DMD: variants seen among roughly 807,000 people sequenced by gnomAD.
DMD encodes the protein dystrophin, also known as mutant dystrophin.
In DMD, 63 loss-of-function variants were observed where a neutral mutation model predicts 330.1. The observed-to-expected ratio is 0.19, with a 90% CI of 0.16 to 0.24. DMD has a LOEUF of 0.24. Ranked by LOEUF, DMD falls within the 10% of genes least tolerant of loss-of-function variation. The probability of loss-of-function intolerance (pLI) is 1.00; values close to 1 mark genes in which losing one functional copy is unlikely to be tolerated. For missense variants in DMD, 3,344 were observed against 2,684.1 expected (o/e 1.25, Z -5.43); for synonymous variants, 1,223 against 959.8 (o/e 1.27, Z -5.07).
chrX:32,554,925 GAA>G (rs1177991264), intron 16 of DMD, among the ~76,000 whole-genome samples: 2 of 18,738 alleles, frequency 1.1e-4, no homozygotes, highest in East Asian at 5.3e-3. Context: ...AAGAAAGAAA[GAA>G]AGAAAGAAAG....
intron 7 of DMD, among the ~76,000 whole-genome samples, chrX:32,729,401 G>GCA (rs2067264236): frequency 8.9e-6 from 1 of 111,803 alleles, no homozygotes; most frequent in Non-Finnish European, 1.9e-5. Context: ...CATTAATGTA[G>GCA]CACTTCAGCT....
At chrX:33,163,648 C>G (rs200460381) in intron 1 of DMD, among the ~76,000 whole-genome samples, 1 of 12,466 alleles carries the variant, frequency 8.0e-5, no homozygotes, top group African/African-American at 2.1e-4. Flanking sequence ...ATCTATCTAT[C>G]TATCTATCTA....
At chrX:31,889,094 T>C (rs1276725745) in intron 47 of DMD, among the ~76,000 whole-genome samples, 1 of 111,902 alleles carries the variant, frequency 8.9e-6, no homozygotes, top group Non-Finnish European at 1.9e-5. Context: ...CTCAAACATA[T>C]AATACATTAC....
intron 7 of DMD, among the ~76,000 whole-genome samples, chrX:32,807,148 AAC>A (rs1360768140): frequency 7.7e-5 from 8 of 104,180 alleles, no homozygotes; most frequent in African/African-American, 2.9e-4. Flanking sequence ...AAAAAAAAAA[AAC>A]ATCAACAAAT....
chrX:32,378,275 T>C, intron 34 of DMD, among the ~76,000 whole-genome samples: 1 of 110,335 alleles, frequency 9.1e-6, no homozygotes, highest in Non-Finnish European at 1.9e-5. Context: ...ATTGTGGATA[T>C]ATTTCTATGC....
chrX:32,329,385 G>A (rs2148710435), intron 41 of DMD, among the ~76,000 whole-genome samples: 1 of 111,781 alleles, frequency 8.9e-6, no homozygotes, highest in South Asian at 3.8e-4. Context: ...TCCAGAAATA[G>A]AGGCCCAAGT....
At chrX:32,748,522 T>C (rs1238296952) in intron 7 of DMD, among the ~76,000 whole-genome samples, 1 of 111,354 alleles carries the variant, frequency 9.0e-6, no homozygotes, top group Non-Finnish European at 1.9e-5. Context: ...TTTTAATAAT[T>C]ACATCTACAG....
chrX:32,896,265 G>T (rs2085709520), intron 2 of DMD, among the ~76,000 whole-genome samples: 1 of 111,384 alleles, frequency 9.0e-6, no homozygotes, highest in Non-Finnish European at 1.9e-5. Context: ...CACCCCTAGG[G>T]TATAATAGGA....
intron 7 of DMD, among the ~76,000 whole-genome samples, chrX:32,762,171 A>AAAAAAAATC (rs2072401494): frequency 9.6e-6 from 1 of 104,139 alleles, no homozygotes; most frequent in South Asian, 4.4e-4. Context: ...AAAAAAAGAA[A>AAAAAAAATC]AAAAAAATCA....
chrX:33,283,943 G>A (rs1041634029), intron 1 of DMD, among the ~76,000 whole-genome samples: 15 of 109,366 alleles, frequency 1.4e-4, no homozygotes, highest in Admixed American at 3.9e-4. Context: ...GCGTGAACCC[G>A]GGAGGCGGAG....
intron 70 of DMD, 133 bp from the exon 71 acceptor site, chrX:31,178,103 T>C: frequency 9.2e-7 from 1 of 1,089,694 alleles, no homozygotes; most frequent in Non-Finnish European, 1.2e-6. Flanking sequence ...CAAACCAAGG[T>C]GTAAAGTGAA....
intron 43 of DMD, among the ~76,000 whole-genome samples, chrX:32,229,461 C>A (rs6628688): frequency 9.5e-6 from 1 of 105,299 alleles, no homozygotes; most frequent in Non-Finnish European, 1.9e-5. Context: ...CTTAAAGTAT[C>A]GTTGCTTATA....
chrX:33,004,571 T>A (rs1178223959), intron 2 of DMD, among the ~76,000 whole-genome samples: 2 of 111,716 alleles, frequency 1.8e-5, no homozygotes, highest in Non-Finnish European at 3.8e-5. Context: ...TGTTTCCCTA[T>A]CCCTTCATCG....
At chrX:33,141,503 A>G (rs1278836221) in intron 1 of DMD, among the ~76,000 whole-genome samples, 2 of 111,753 alleles carry the variant, frequency 1.8e-5, no homozygotes, top group Non-Finnish European at 3.8e-5. Flanking sequence ...CTCAAAATGC[A>G]AAAAAGTACT....
In DMD at chrX:32,588,418, C is replaced by T. The variant is rs1042308809; in HGVS notation, c.1602+7339G>A. Among the ~76,000 whole-genome samples the T allele has an allele frequency of 1.3e-4, 15 of 111,462 alleles. No homozygotes were observed. The East Asian group carries it at 4.0e-3, about 29-fold the overall frequency. On this transcript the variant is annotated intron_variant, in intron 13 of 78. Transcript: ENST00000357033. ...TGAAGCAGAGTCGTCTGTTTAAACC[C>T]GGTGGTATGTGCAAAGAGGTCGTAA...
At chrX:32,615,589 T>A (rs2057499292) in intron 11 of DMD, among the ~76,000 whole-genome samples, 1 of 111,776 alleles carries the variant, frequency 8.9e-6, no homozygotes, top group African/African-American at 3.2e-5. Flanking sequence ...GATCTTATAA[T>A]TTGAATTAGG....
At chrX:31,992,862 C>G (rs2095560106) in intron 44 of DMD, among the ~76,000 whole-genome samples, 1 of 111,580 alleles carries the variant, frequency 9.0e-6, no homozygotes, top group Non-Finnish European at 1.9e-5. Context: ...CAATACAAAG[C>G]CAGCCAATCT....
intron 44 of DMD, among the ~76,000 whole-genome samples, chrX:32,130,457 A>G (rs1328346748): frequency 2.7e-5 from 3 of 111,566 alleles, no homozygotes; most frequent in East Asian, 2.8e-4. Context: ...TCCAAGAACA[A>G]ACATAATTTA....
chrX:33,326,020 G>A (rs753908771), intron 1 of DMD, among the ~76,000 whole-genome samples: 1 of 111,269 alleles, frequency 9.0e-6, no homozygotes, highest in East Asian at 2.8e-4. Context: ...GACTTTTACG[G>A]TGTGAAATAG....
Sources: gnomAD v4.1 joint callset for allele counts (sites outside exome capture counted in the v4.1 genomes callset) on GRCh38, gnomAD v4.1.1 for gene constraint, MANE v1.5 for transcripts, NCBI Gene and HGNC (gene_info 2026-07-23, HGNC 2026-07-21) for gene names.